NLN: variants seen among roughly 807,000 people sequenced by gnomAD.
NLN encodes the protein neurolysin.
NLN carries 64 observed loss-of-function variants against 79.9 expected under a neutral mutation model. The observed-to-expected ratio is 0.80, with a 90% CI of 0.65 to 0.99. The LOEUF (loss-of-function observed/expected upper bound fraction) is 0.99, where lower values mean the gene tolerates loss of function less well. NLN is among the 50% of genes least tolerant of loss of function. The probability of loss-of-function intolerance (pLI) is 0.00; values close to 1 mark genes in which losing one functional copy is unlikely to be tolerated. For synonymous variants in NLN, 267 were observed against 296.6 expected (o/e 0.90, Z 1.02); for missense variants, 835 against 858.7 (o/e 0.97, Z 0.34).
intron 9 of NLN, among the ~76,000 whole-genome samples, chr5:65,803,335 T>G (rs1231392423): frequency 6.6e-6 from 1 of 151,994 alleles, no homozygotes; most frequent in Non-Finnish European, 1.5e-5. Context: ...CACGCTCAGT[T>G]CCCCCCTCAG....
intron 9 of NLN, among the ~76,000 whole-genome samples, chr5:65,806,446 C>G (rs1477116693): frequency 3.3e-5 from 5 of 152,124 alleles, no homozygotes; most frequent in Non-Finnish European, 5.9e-5. Context: ...GATTTCAACC[C>G]TCATAGATGA....
intron 2 of NLN, among the ~76,000 whole-genome samples, chr5:65,760,832 A>G (rs1461629556): frequency 6.6e-6 from 1 of 152,152 alleles, no homozygotes; most frequent in Non-Finnish European, 1.5e-5. Flanking sequence ...CTCAAACAAA[A>G]TCTTTATAAA....
intron 1 of NLN, chr5:65,722,661 G>A (rs1758345029): frequency 3.9e-6 from 2 of 513,914 alleles, no homozygotes; most frequent in South Asian, 4.8e-5. Flanking sequence ...CTCAGCCGCA[G>A]TCAGCGAGGC....
At chr5:65,785,384 T>G (rs1759896604) in intron 6 of NLN, among the ~76,000 whole-genome samples, 1 of 152,132 alleles carries the variant, frequency 6.6e-6, no homozygotes, top group South Asian at 2.1e-4. Context: ...AAAGATAAAT[T>G]TTACGTTATG....
chr5:65,736,188 T>C (rs1217584120), intron 1 of NLN, among the ~76,000 whole-genome samples: 1 of 152,226 alleles, frequency 6.6e-6, no homozygotes, highest in Non-Finnish European at 1.5e-5. Context: ...TTTATAAACA[T>C]TACAACAAAT....
chr5:65,724,061 GC>G, intron 1 of NLN, among the ~76,000 whole-genome samples: 2 of 54,012 alleles, frequency 3.7e-5, no homozygotes, highest in South Asian at 6.0e-4. Flanking sequence ...CAACCCCCCC[GC>G]CCCCCAATCA....
At chr5:65,750,410 C>G (rs1759079233) in intron 1 of NLN, among the ~76,000 whole-genome samples, 1 of 152,208 alleles carries the variant, frequency 6.6e-6, no homozygotes, top group Admixed American at 6.5e-5. Context: ...AAGAAATGGA[C>G]TGAGTACCTG....
At chr5:65,734,149 G>T (rs1183342846) in intron 1 of NLN, among the ~76,000 whole-genome samples, 1 of 138,584 alleles carries the variant, frequency 7.2e-6, no homozygotes, top group African/African-American at 2.7e-5. Flanking sequence ...CACCCGCCTC[G>T]GCCTCCCAAA....
intron 7 of NLN, among the ~76,000 whole-genome samples, chr5:65,787,866 C>A (rs1003072019): frequency 5.3e-5 from 8 of 152,086 alleles, no homozygotes; most frequent in Non-Finnish European, 1.0e-4. Flanking sequence ...AACTCATGGC[C>A]CAGTTCTGGG....
At chr5:65,740,096 T>C (rs1164808044) in intron 1 of NLN, among the ~76,000 whole-genome samples, 1 of 152,214 alleles carries the variant, frequency 6.6e-6, no homozygotes, top group African/African-American at 2.4e-5. Context: ...GCTTTTCCCA[T>C]ATATTTTCTG....
intron 12 of NLN, among the ~76,000 whole-genome samples, chr5:65,821,508 T>C (rs1321318860): frequency 1.3e-5 from 2 of 152,198 alleles, no homozygotes; most frequent in African/African-American, 2.4e-5. Flanking sequence ...GATACTATTG[T>C]AGATATAGTG....
chr5:65,803,320 C>T (rs1055969975), intron 9 of NLN, among the ~76,000 whole-genome samples: 5 of 152,174 alleles, frequency 3.3e-5, no homozygotes, highest in Non-Finnish European at 7.4e-5. Context: ...AGGCCAGTGC[C>T]AAGCCACGCT....
intron 9 of NLN, among the ~76,000 whole-genome samples, chr5:65,803,695 C>T (rs995333982): frequency 3.9e-5 from 6 of 151,986 alleles, no homozygotes; most frequent in Non-Finnish European, 7.4e-5. Flanking sequence ...GGGTAGGGCT[C>T]CTGCCTGCTC....
intron 1 of NLN, among the ~76,000 whole-genome samples, chr5:65,746,774 G>A (rs1758988793): frequency 6.6e-6 from 1 of 152,168 alleles, no homozygotes; most frequent in African/African-American, 2.4e-5. Flanking sequence ...GGAGGCCGAG[G>A]CAGGCGGATC....
intron 1 of NLN, among the ~76,000 whole-genome samples, chr5:65,724,887 C>T (rs1188826973): frequency 6.6e-6 from 1 of 151,268 alleles, no homozygotes; most frequent in African/African-American, 2.4e-5. Context: ...CTGCAAGCGC[C>T]GCCTCCCGGG....
At chr5:65,748,964 G>T (rs1759044045) in intron 1 of NLN, among the ~76,000 whole-genome samples, 1 of 152,098 alleles carries the variant, frequency 6.6e-6, no homozygotes, top group South Asian at 2.1e-4. Flanking sequence ...GAATCTGGGG[G>T]CAGATTTTTC....
At chr5:65,770,902 C>A (rs1032298353) in intron 3 of NLN, among the ~76,000 whole-genome samples, 1 of 152,012 alleles carries the variant, frequency 6.6e-6, no homozygotes, top group Non-Finnish European at 1.5e-5. Context: ...CAATATGATA[C>A]TTTATAAAGC....
intron 1 of NLN, among the ~76,000 whole-genome samples, chr5:65,741,225 T>G (rs1186839534): frequency 1.6e-4 from 25 of 152,280 alleles, no homozygotes; most frequent in Non-Finnish European, 1.5e-4. Flanking sequence ...TTATTCTTTT[T>G]ACTCAAAATT....
chr5:65,738,988 T>TTATATATATA (rs375915872), intron 1 of NLN, among the ~76,000 whole-genome samples: 1 of 118,454 alleles, frequency 8.4e-6, no homozygotes, highest in African/African-American at 3.3e-5. Flanking sequence ...TATTATATAT[T>TTATATATATA]TATATATATT....
Sources: allele counts gnomAD v4.1 joint callset (sites outside exome capture counted in the v4.1 genomes callset), GRCh38; gene constraint gnomAD v4.1.1; transcripts MANE v1.5; gene names NCBI Gene and HGNC (gene_info 2026-07-23, HGNC 2026-07-21).